Variants in HNF4A observed in about 807,000 individuals in gnomAD.
HNF4A encodes hepatocyte nuclear factor 4 alpha.
HNF4A carries 15 observed loss-of-function variants against 52.4 expected under a neutral mutation model. That is an observed-to-expected ratio of 0.29 (90% confidence interval 0.19 to 0.44). The LOEUF is 0.44. Among genes scored for constraint, HNF4A ranks in the 20% least tolerant of loss-of-function variants. HNF4A has a pLI of 1.00. For synonymous variants in HNF4A, 280 were observed against 264.4 expected (o/e 1.06, Z -0.57); for missense variants, 479 against 647.2 (o/e 0.74, Z 2.82).
downstream of HNF4A, chr20:44,433,513 T>G (rs1452275124): frequency 6.6e-6 from 1 of 152,272 alleles, no homozygotes; most frequent in African/African-American, 2.4e-5. Flanking sequence ...AGACCCCATC[T>G]CTACAAAAAA....
chr20:44,388,047 C>T (rs909821741), intron 1 of HNF4A, among the ~76,000 whole-genome samples: 1 of 151,882 alleles, frequency 6.6e-6, no homozygotes, highest in African/African-American at 2.4e-5. Context: ...GTGTGTCTAA[C>T]CCAAAGGTTA....
chr20:44,406,238 G>C lies in HNF4A; in HGVS notation c.290+6G>C, dbSNP rs374253813. 2 of 1,612,542 alleles carry C rather than the reference G, an allele frequency of 1.2e-6. No homozygotes were observed. Among genetic ancestry groups the C allele is most frequent in the African/African-American group, 2.7e-5 (2 of 74,920 alleles). Reference sequence around the variant, plus strand: ...AACCACATGTACTCCTGCAGGTGAGGAGCCTCAATTTCTTCAGCTGGGAAA... The same window carrying C: ...AACCACATGTACTCCTGCAGGTGAGCAGCCTCAATTTCTTCAGCTGGGAAA... On this transcript the variant is annotated splice_donor_region_variant and intron_variant, in intron 2 of 9. Coordinates refer to ENST00000316099, the MANE Select transcript of HNF4A (RefSeq NM_000457.6).
intron 2 of HNF4A, 143 bp downstream of exon 2, chr20:44,406,375 T>G (rs1038806235): frequency 1.4e-6 from 1 of 719,964 alleles, no homozygotes; most frequent in Non-Finnish European, 2.4e-6. Flanking sequence ...GTAAAAGACT[T>G]TGTGAATCCA....
chr20:44,383,584 C>G (rs1008040602), intron 1 of HNF4A, among the ~76,000 whole-genome samples: 3 of 147,238 alleles, frequency 2.0e-5, no homozygotes, highest in Non-Finnish European at 3.0e-5. Context: ...GGAGTCTCAA[C>G]TCTCTCCCCC....
upstream of HNF4A, among the ~76,000 whole-genome samples, chr20:44,397,713 A>G (rs576140065): frequency 6.6e-6 from 1 of 151,714 alleles, no homozygotes; most frequent in South Asian, 2.1e-4. Flanking sequence ...TCCACCTCCC[A>G]GGTTCAAGTG....
chr20:44,390,166 A>G (rs2063284061), intron 1 of HNF4A, among the ~76,000 whole-genome samples: 2 of 151,608 alleles, frequency 1.3e-5, no homozygotes, highest in Admixed American at 1.3e-4. Flanking sequence ...TGAAGCCTGC[A>G]CTCTTCTAGA....
intron 3 of HNF4A, among the ~76,000 whole-genome samples, chr20:44,413,126 C>T (rs931719580): frequency 6.6e-6 from 1 of 152,102 alleles, no homozygotes; most frequent in Non-Finnish European, 1.5e-5. Flanking sequence ...CTCCAGATCC[C>T]TCAGTGCCTG....
chr20:44,414,714 A>G, intron 5 of HNF4A, 52 bp downstream of exon 5: 2 of 1,549,650 alleles, frequency 1.3e-6, no homozygotes, highest in African/African-American at 1.4e-5. Context: ...CGGGGCAGCC[A>G]GGGGGCTGCT....
chr20:44,420,097 TGAGGCGGGC>T (rs2063723500), intron 7 of HNF4A, among the ~76,000 whole-genome samples: 1 of 151,442 alleles, frequency 6.6e-6, no homozygotes, highest in African/African-American at 2.4e-5. Flanking sequence ...TTTGGGAGGC[TGAGGCGGGC>T]GGATCACCTG....
chr20:44,381,761 C>A (rs1262795273), intron 1 of HNF4A, among the ~76,000 whole-genome samples: 1 of 152,060 alleles, frequency 6.6e-6, no homozygotes, highest in East Asian at 1.9e-4. Context: ...CAGGTGACTG[C>A]CACCACGCCC....
At chr20:44,418,766 T>C (rs1368708122) in intron 6 of HNF4A, among the ~76,000 whole-genome samples, 1 of 152,190 alleles carries the variant, frequency 6.6e-6, no homozygotes, top group Non-Finnish European at 1.5e-5. Context: ...GGGTTATCCC[T>C]GGAATTACCT....
intron 1 of HNF4A, among the ~76,000 whole-genome samples, chr20:44,393,261 G>A (rs762814630): frequency 3.3e-5 from 5 of 152,224 alleles, no homozygotes; most frequent in Non-Finnish European, 4.4e-5. Flanking sequence ...CAGGAGGACA[G>A]CAACACCCTC....
rs144129634 is a variant in HNF4A at position 44,417,992 on chromosome 20, C to G, written c.649-433C>G. ...TCAAAAAAAAAAAAAAAAATAGAAT[C>G]TGTATTTTTACAAAGCACCCTTCAT... On this transcript the variant is annotated intron_variant, in intron 5 of 9. Coordinates refer to ENST00000316099, the MANE Select transcript of HNF4A (RefSeq NM_000457.6). 6.6e-3 allele frequency among the ~76,000 whole-genome samples: 1,003 copies of G among 151,162 alleles called. 13 individuals carry two copies. Among genetic ancestry groups the G allele is most frequent in the African/African-American group, 0.023 (958 of 41,214 alleles).
At chr20:44,426,898 G>T (rs2063820793) in intron 8 of HNF4A, among the ~76,000 whole-genome samples, 1 of 152,198 alleles carries the variant, frequency 6.6e-6, no homozygotes, top group Non-Finnish European at 1.5e-5. Context: ...TGCAGCGATG[G>T]TATTAGATTA....
chr20:44,407,414 G>C lies in HNF4A; in HGVS notation c.324G>C (p.Lys108Asn). The C allele has an allele frequency of 6.2e-7, 1 of 1,611,714 alleles. No individual in the cohort carries two copies. The highest frequency in any genetic ancestry group is 8.5e-7 in the Non-Finnish European group (1 of 1,178,880). The change falls in exon 3 of 10, where the codon AAG (lysine) becomes AAC (asparagine). Residue 108 changes from lysine to asparagine, a missense_variant. Coordinates refer to ENST00000316099, the MANE Select transcript of HNF4A (RefSeq NM_000457.6). ...GGCAGTGCGTGGTGGACAAAGACAA[G>C]AGGAACCAGTGCCGCTACTGCAGGC...
chr20:44,388,948 GC>G (rs1348969843), intron 1 of HNF4A, among the ~76,000 whole-genome samples: 3 of 152,236 alleles, frequency 2.0e-5, no homozygotes, highest in Non-Finnish European at 2.9e-5. Flanking sequence ...GAGGGGTGGG[GC>G]TGCGGGTTCG....
At chr20:44,372,948 G>A (rs534789774) in intron 1 of HNF4A, 1 of 152,258 alleles carries the variant, frequency 6.6e-6, no homozygotes, top group Non-Finnish European at 1.5e-5. Flanking sequence ...TTGGGTTAGA[G>A]CTACATCCAC....
chr20:44,387,547 G>A (rs1044736349), intron 1 of HNF4A, among the ~76,000 whole-genome samples: 2 of 150,588 alleles, frequency 1.3e-5, no homozygotes. Flanking sequence ...AAGTAGAAGA[G>A]GATCTGAGCC....
chr20:44,401,637 G>T, intron 1 of HNF4A: 2 of 1,027,250 alleles, frequency 1.9e-6, no homozygotes, highest in South Asian at 3.0e-5. Flanking sequence ...GTTGCCAAGT[G>T]AAGCCCATGT....
Sources: allele counts gnomAD v4.1 joint callset (sites outside exome capture counted in the v4.1 genomes callset), GRCh38; gene constraint gnomAD v4.1.1; transcripts MANE v1.5; gene names NCBI Gene and HGNC (gene_info 2026-07-23, HGNC 2026-07-21).